TNS1: variants seen among roughly 807,000 people sequenced by gnomAD.
TNS1 encodes the protein tensin 1, also known as tensin-1.
TNS1 carries 62 observed loss-of-function variants against 168.6 expected under a neutral mutation model. That is an observed-to-expected ratio of 0.37 (90% confidence interval 0.30 to 0.45). The LOEUF is 0.45. Among genes scored for constraint, TNS1 ranks in the 20% least tolerant of loss-of-function variants. TNS1 has a pLI of 1.00. For missense variants in TNS1, 2,240 were observed against 2,339.4 expected (o/e 0.96, Z 0.88); for synonymous variants, 934 against 933.2 (o/e 1.00, Z -0.02).
At chr2:217,835,227 A>C in intron 20 of TNS1, 61 bp from the exon 21 acceptor site, 1 of 1,492,956 alleles carries the variant, frequency 6.7e-7, no homozygotes, top group Non-Finnish European at 9.2e-7. Flanking sequence ...TTTCCCCTTC[A>C]GATGACCTGA....
At position 217,886,085 on chromosome 2, in the gene TNS1, G is replaced by A. The variant is rs1221926919; in HGVS notation, c.999C>T (p.Arg333=). 1 of 1,614,018 alleles carries A rather than the reference G, an allele frequency of 6.2e-7. No individual in the cohort carries two copies. The highest frequency in any genetic ancestry group is 1.7e-5 in the Admixed American group (1 of 59,998). ...ACACAGGTTGCATGGCCTGGTAGAT[G>A]CGGAGAAATGGCCGACATCCTGTAA... The part of the protein sequence containing the change: ...ESKGGCRPFL[R]IYQAMQPVYT... Residue 333 remains arginine, a synonymous_variant, in exon 14 of 33, where the codon CGC becomes CGT. Transcript: ENST00000682258.
chr2:217,880,757 G>A lies in TNS1; in HGVS notation c.1429+141C>T. 1 of 668,232 alleles carries A rather than the reference G, an allele frequency of 1.5e-6. No individual in the cohort carries two copies. The highest frequency in any genetic ancestry group is 2.7e-6 in the Non-Finnish European group (1 of 374,060). 41.4% of individuals were successfully genotyped at this position (668,232 alleles called of 1,614,324 possible). A position where few individuals can be genotyped will look rare whatever the true frequency, so the allele number is the denominator to read the frequency against. On this transcript the variant is annotated intron_variant, in intron 18 of 32. Coordinates refer to ENST00000682258, the MANE Select transcript of TNS1 (RefSeq NM_001387777.1). The surrounding 1 kb of genome is among the most constrained non-coding windows in gnomAD (Gnocchi z 4.2). The stretch of plus-strand genomic sequence containing the variant: ...GCCTTATCTTCCCCCAGTTAACGGT[G>A]AGCTCTCGGAGGTACCTCACACTTC...
intron 3 of TNS1, among the ~76,000 whole-genome samples, chr2:217,950,478 A>C (rs552684258): frequency 2.0e-5 from 3 of 151,872 alleles, no homozygotes; most frequent in South Asian, 4.2e-4. Context: ...TGCTGGCCAC[A>C]CCCCGAGAGC....
At position 217,867,482 on chromosome 2, in the gene TNS1, T is replaced by C. The variant is rs555816165; in HGVS notation, c.1429+13416A>G. Reference sequence around the variant, plus strand: ...TTTTAAAAACCTAGTTATTAAAACATAGTGCACACATACAGTGGAATAGTA... The same window carrying C: ...TTTTAAAAACCTAGTTATTAAAACACAGTGCACACATACAGTGGAATAGTA... On this transcript the variant is annotated intron_variant, in intron 18 of 32. Coordinates refer to ENST00000682258, the MANE Select transcript of TNS1 (RefSeq NM_001387777.1). 1.3e-3 allele frequency among the ~76,000 whole-genome samples: 192 copies of C among 152,362 alleles called. 2 individuals carry two copies. The highest frequency in any genetic ancestry group is 4.4e-3 in the African/African-American group (184 of 41,592).
At chr2:217,839,440 C>T (rs937763949) in intron 19 of TNS1, among the ~76,000 whole-genome samples, 1 of 152,086 alleles carries the variant, frequency 6.6e-6, no homozygotes, top group Non-Finnish European at 1.5e-5. Flanking sequence ...GAGCAGCCCC[C>T]TTCCCAGGGA....
intron 22 of TNS1, among the ~76,000 whole-genome samples, chr2:217,826,282 T>C (rs1943603708): frequency 6.6e-6 from 1 of 152,212 alleles, no homozygotes; most frequent in Non-Finnish European, 1.5e-5. Context: ...AAAACCCATC[T>C]TCAGGGCTAA....
At chr2:217,929,613 G>C (rs531552164) in intron 3 of TNS1, among the ~76,000 whole-genome samples, 2 of 151,972 alleles carry the variant, frequency 1.3e-5, no homozygotes, top group East Asian at 3.9e-4. Flanking sequence ...GCCCACACTC[G>C]GCCACCTCCT....
chr2:217,992,743 C>G (rs1363121719), intron 1 of TNS1: 1 of 151,998 alleles, frequency 6.6e-6, no homozygotes, highest in Non-Finnish European at 1.5e-5. Context: ...GAAAGAAAGA[C>G]CAAGATAAAG....
At chr2:217,826,864 C>T (rs1173136930) in intron 22 of TNS1, among the ~76,000 whole-genome samples, 1 of 152,200 alleles carries the variant, frequency 6.6e-6, no homozygotes, top group Admixed American at 6.5e-5. Context: ...GCACTGTCAG[C>T]TCCTTGTCCA....
intron 1 of TNS1, among the ~76,000 whole-genome samples, chr2:218,023,095 G>T (rs953993089): frequency 3.9e-5 from 6 of 152,230 alleles, no homozygotes; most frequent in Non-Finnish European, 8.8e-5. Flanking sequence ...CAGGACAGGG[G>T]CAGTAAATTA....
chr2:217,997,529 G>A (rs757180630), intron 1 of TNS1, among the ~76,000 whole-genome samples: 6 of 152,160 alleles, frequency 3.9e-5, no homozygotes, highest in African/African-American at 9.7e-5. Context: ...TTCCTCATGC[G>A]TCAGTGCAGG....
intron 3 of TNS1, among the ~76,000 whole-genome samples, chr2:217,965,658 C>A (rs1346924277): frequency 6.6e-6 from 1 of 152,156 alleles, no homozygotes; most frequent in African/African-American, 2.4e-5. Context: ...AGGTGGAGCC[C>A]CAGGAGGCAA....
intron 2 of TNS1, among the ~76,000 whole-genome samples, chr2:217,988,562 C>G (rs1958261245): frequency 6.6e-6 from 1 of 152,202 alleles, no homozygotes; most frequent in African/African-American, 2.4e-5. Context: ...CTAATTTATG[C>G]ATCTTCGCAG....
chr2:217,898,046 T>A, intron 7 of TNS1, 77 bp from the exon 8 acceptor site: 1 of 1,465,984 alleles, frequency 6.8e-7, no homozygotes, highest in Non-Finnish European at 9.1e-7. Flanking sequence ...CTGCACCCCA[T>A]ACACACCCTG....
At chr2:217,875,319 C>T (rs1950117564) in intron 18 of TNS1, among the ~76,000 whole-genome samples, 1 of 152,140 alleles carries the variant, frequency 6.6e-6, no homozygotes, top group Non-Finnish European at 1.5e-5. Context: ...CTGATAGAAC[C>T]ACTAAGCCAT....
intron 12 of TNS1, among the ~76,000 whole-genome samples, chr2:217,886,935 T>G (rs1951259464): frequency 6.6e-6 from 1 of 152,138 alleles, no homozygotes; most frequent in South Asian, 2.1e-4. Context: ...AATATCTCTT[T>G]CCTGCTTCAC....
At chr2:217,890,151 C>T (rs563571120) in intron 12 of TNS1, among the ~76,000 whole-genome samples, 54 of 152,336 alleles carry the variant, frequency 3.5e-4, no homozygotes, top group African/African-American at 1.2e-3. Flanking sequence ...GATCATCACA[C>T]GATAGCTCAC....
In TNS1 at chr2:218,002,977, T is replaced by C. The variant is rs1958594692; in HGVS notation, c.-105A>G. On this transcript the variant is annotated 5_prime_UTR_variant, in exon 1 of 33. Transcript: ENST00000682258. The stretch of plus-strand genomic sequence containing the variant: ...AAGGGCTCTCTGAGTCCGCGGCTGC[T>C]CCGGCTCCGCCAGCATCTGCTGGGC... The C allele has an allele frequency of 2.2e-6, 1 of 454,122 alleles. No homozygotes were observed. Among genetic ancestry groups the C allele is most frequent in the African/African-American group, 2.0e-5 (1 of 49,930 alleles). 28.1% of individuals were successfully genotyped at this position (454,122 alleles called of 1,614,324 possible).
At chr2:217,845,635 C>G (rs1946538189) in intron 19 of TNS1, among the ~76,000 whole-genome samples, 1 of 152,222 alleles carries the variant, frequency 6.6e-6, no homozygotes, top group Non-Finnish European at 1.5e-5. Context: ...ATTGTGCCAA[C>G]AGTATCCTTC....
Sources: allele counts gnomAD v4.1 joint callset (sites outside exome capture counted in the v4.1 genomes callset), GRCh38; gene constraint gnomAD v4.1.1; non-coding constraint Gnocchi (gnomAD v3.1); transcripts MANE v1.5; gene names NCBI Gene and HGNC (gene_info 2026-07-23, HGNC 2026-07-21).